IL10RA: variants seen among roughly 807,000 people sequenced by gnomAD.
IL10RA encodes interleukin 10 receptor subunit alpha, also known as interleukin-10 receptor subunit alpha.
A neutral mutation model predicts 29.6 loss-of-function variants in IL10RA; 18 were observed. The observed-to-expected ratio is 0.61, with a 90% confidence interval of 0.42 to 0.90. IL10RA has a LOEUF of 0.90. Ranked by LOEUF, IL10RA falls within the 40% of genes least tolerant of loss-of-function variation. The pLI, the probability that IL10RA is intolerant of heterozygous loss-of-function variation, is 0.00. For missense variants in IL10RA, 634 were observed against 716.6 expected, an observed-to-expected ratio of 0.88 and a Z score of 1.32; for synonymous variants, 292 against 294.1, an observed-to-expected ratio of 0.99 and a Z score of 0.07.
chr11:117,988,600 G>C, intron 2 of IL10RA, 98 bp downstream of exon 2: 1 of 1,416,250 alleles, frequency 7.1e-7, no homozygotes, highest in Non-Finnish European at 9.9e-7. Context: ...TTAATGAAGT[G>C]AGTGCCTGAG....
chr11:117,991,310 T>C (rs143278129), intron 3 of IL10RA, among the ~76,000 whole-genome samples: 1 of 152,374 alleles, frequency 6.6e-6, no homozygotes, highest in East Asian at 1.9e-4. Flanking sequence ...TACAGTGTTA[T>C]GTATACATAA....
Position 117,988,494 on chromosome 11 carries a change from G to A in IL10RA, c.180G>A (p.Ala60=), listed in dbSNP as rs4252249. ...CTGAAAGTACCTGCTATGAAGTGGCGCTCCTGAGGTGAGGAAAAGGGAAGA... is the reference window on the plus strand; with the variant it reads ...CTGAAAGTACCTGCTATGAAGTGGCACTCCTGAGGTGAGGAAAAGGGAAGA... The part of the protein sequence containing the change: ...NQSESTCYEV[A]LLRYGIESWN... The change falls in exon 2 of 7, where the codon GCG becomes GCA. Residue 60 remains alanine (A), a synonymous_variant. Coordinates refer to ENST00000227752, the MANE Select transcript of IL10RA (RefSeq NM_001558.4). The A allele has an allele frequency of 0.11, 179,133 of 1,613,030 alleles. 10,416 individuals are homozygous for A. Among genetic ancestry groups the A allele is most frequent in the Admixed American group, 0.18 (10,867 of 59,992 alleles).
Position 118,001,138 on chromosome 11 carries a change from C to T in IL10RA, c.*1497C>T, listed in dbSNP as rs1451141773. 2 of 454,138 alleles carry T rather than the reference C, an allele frequency of 4.4e-6. No individual in the cohort carries two copies. Among genetic ancestry groups the T allele is most frequent in the Non-Finnish European group, 8.8e-6 (2 of 226,798 alleles). 28.1% of individuals were successfully genotyped at this position (454,138 alleles called of 1,614,324 possible). A position where few individuals can be genotyped will look rare whatever the true frequency, so the allele number is the denominator to read the frequency against. ...CTGGTAACTGAACTCCCTCTGGAGG[C>T]AGGCTTGAGGGAGGATTCCTCAGGG... is the stretch of plus-strand genomic sequence containing the variant. On this transcript the variant is annotated 3_prime_UTR_variant, in exon 7 of 7. Transcript: ENST00000227752.
chr11:117,999,123 C>G lies in IL10RA; in HGVS notation c.1219C>G (p.Gln407Glu). Residue 407 changes from glutamine to glutamate, a missense_variant, in exon 7 of 7, where the codon CAA becomes GAA. Physicochemically the swap from Gln to Glu is conservative, Grantham distance 29. Coordinates refer to ENST00000227752, the MANE Select transcript of IL10RA (RefSeq NM_001558.4). ...GGATGACAGTGGCATTGACTTAGTT[C>G]AAAACTCTGAGGGCCGGGCTGGGGA... The part of the protein sequence containing the change: ...GQDDSGIDLV[Q>E]NSEGRAGDTQ... The G allele has an allele frequency of 6.2e-7, 1 of 1,613,142 alleles. No individual in the cohort carries two copies. Among genetic ancestry groups the G allele is most frequent in the Non-Finnish European group, 8.5e-7 (1 of 1,179,156 alleles).
chr11:117,998,614 C>T, intron 6 of IL10RA, 101 bp from the exon 7 acceptor site: 1 of 935,770 alleles, frequency 1.1e-6, no homozygotes, highest in South Asian at 1.3e-5. Context: ...CTGTAGTCTC[C>T]TCCATCGAGC....
intron 3 of IL10RA, 66 bp from the exon 4 acceptor site, chr11:117,993,175 G>C: frequency 6.9e-7 from 1 of 1,451,096 alleles, no homozygotes; most frequent in South Asian, 1.1e-5. Flanking sequence ...AGTCTCGGCG[G>C]GGACACCCAG....
chr11:117,988,782 A>G (rs2058004622), intron 2 of IL10RA, among the ~76,000 whole-genome samples: 1 of 151,986 alleles, frequency 6.6e-6, no homozygotes, highest in Non-Finnish European at 1.5e-5. Flanking sequence ...TTTCGTTGAG[A>G]CAGCTTCTCG....
Position 118,000,964 on chromosome 11 carries a change from A to G in IL10RA, c.*1323A>G, listed in dbSNP as rs1427557594. ...AACAAAGGCAGTTCAGTCCACAGGC[A>G]TGGAAGCTGTGAGGGGACAGGCCTG... On this transcript the variant is annotated 3_prime_UTR_variant, in exon 7 of 7. Transcript: ENST00000227752. The G allele has an allele frequency of 2.2e-6, 1 of 454,026 alleles. No individual in the cohort carries two copies. The highest frequency in any genetic ancestry group is 4.4e-6 in the Non-Finnish European group (1 of 226,732). The allele number at this position is 454,026 out of a possible 1,614,324, so 28.1% of individuals were successfully genotyped here. A position where few individuals can be genotyped will look rare whatever the true frequency, so the allele number is the denominator to read the frequency against.
rs148166761 is a variant in IL10RA at position 117,994,462 on chromosome 11, T to A, written c.688+313T>A. 9.2e-5 allele frequency among the ~76,000 whole-genome samples: 14 copies of A among 152,296 alleles called. No individual in the cohort carries two copies. The East Asian group carries it at 2.5e-3, about 27-fold the overall frequency. The stretch of plus-strand genomic sequence containing the variant: ...ACATCCCCCTCCCCCGGGGCCATCT[T>A]CAGTGAGCTGTGCTAGTTCCTGTTG... On this transcript the variant is annotated intron_variant, in intron 5 of 6. Transcript: ENST00000227752.
chr11:117,988,348 CT>C lies in IL10RA; in HGVS notation c.68-33del. On this transcript the variant is annotated intron_variant, in intron 1 of 6. Transcript: ENST00000227752. ...TTGGGGTCATCAATGCCTGCCCCCC[CT>C]CCCAGCTGTGGTACTGACACTCTTC... The C allele has an allele frequency of 2.5e-6, 4 of 1,613,718 alleles. No homozygotes were observed. The Middle Eastern group carries it at 6.8e-4, about 276-fold the overall frequency.
chr11:118,000,301 C>T lies in IL10RA; in HGVS notation c.*660C>T, dbSNP rs1025040550. The T allele has an allele frequency of 1.1e-5, 5 of 454,232 alleles. No individual in the cohort carries two copies. Among genetic ancestry groups the T allele is most frequent in the African/African-American group, 1.0e-4 (5 of 50,132 alleles). 28.1% of individuals were successfully genotyped at this position (454,232 alleles called of 1,614,324 possible). On this transcript the variant is annotated 3_prime_UTR_variant, in exon 7 of 7. Coordinates refer to ENST00000227752, the MANE Select transcript of IL10RA (RefSeq NM_001558.4). ...GAGCCGAGACCCTGGATGGGGCTTC[C>T]AGCTCAGAACCCATCCCTCTGGTGG... is the stretch of plus-strand genomic sequence containing the variant.
downstream of IL10RA, chr11:118,002,401 A>G (rs533829209): frequency 3.3e-5 from 5 of 152,330 alleles, no homozygotes; most frequent in African/African-American, 1.2e-4. Flanking sequence ...AACTTGACTA[A>G]TATCACGCCA....
rs529560535 is a variant in IL10RA, at chr11:118,000,451, A to G, written c.*810A>G. The stretch of plus-strand genomic sequence containing the variant: ...TTTGCTGCCCCACCATCTTGCTGAC[A>G]ACTTCCAGAGAAGCCATGGTTTTTT... On this transcript the variant is annotated 3_prime_UTR_variant, in exon 7 of 7. Transcript: ENST00000227752. 2.2e-6 allele frequency: 1 copy of G among 454,238 alleles called. No individual in the cohort carries two copies. Among genetic ancestry groups the G allele is most frequent in the Non-Finnish European group, 4.4e-6 (1 of 226,772 alleles). 28.1% of individuals were successfully genotyped at this position (454,238 alleles called of 1,614,324 possible).
At chr11:117,986,872 C>A in intron 1 of IL10RA, 10 of 1,369,632 alleles carry the variant, frequency 7.3e-6, no homozygotes, top group Non-Finnish European at 9.7e-6. Context: ...TTCTTGTCCC[C>A]TTGGGGAATA....
chr11:117,998,624 C>A, intron 6 of IL10RA, 91 bp from the exon 7 acceptor site: 2 of 1,077,680 alleles, frequency 1.9e-6, no homozygotes, highest in Non-Finnish European at 2.9e-6. Context: ...CTCCATCGAG[C>A]TCTCCTCCTG....
chr11:117,997,604 C>A (rs1037203065), intron 6 of IL10RA, among the ~76,000 whole-genome samples: 5 of 152,192 alleles, frequency 3.3e-5, no homozygotes, highest in South Asian at 2.1e-4. Context: ...AGTCGGCAGA[C>A]CTTAGGAGGG....
At position 118,000,518 on chromosome 11, in the gene IL10RA, GGGCACCAGCTCATGCCAGCCCCA is replaced by G. The variant is rs1219060323; in HGVS notation, c.*879_*901del. 1 of 454,184 alleles carries G rather than the reference GGGCACCAGCTCATGCCAGCCCCA, an allele frequency of 2.2e-6. No homozygotes were observed. Among genetic ancestry groups the G allele is most frequent in the East Asian group, 6.9e-5 (1 of 14,552 alleles). The allele number at this position is 454,184 out of a possible 1,614,324, so 28.1% of individuals were successfully genotyped here. A position where few individuals can be genotyped will look rare whatever the true frequency, so the allele number is the denominator to read the frequency against. On this transcript the variant is annotated 3_prime_UTR_variant, in exon 7 of 7. Transcript: ENST00000227752. ...AGCCCTTTGGGCGGCCTCTGGGCTT[GGGCACCAGCTCATGCCAGCCCCA>G]GAGGGTCAGGGTTGGAGGCCTGTGC...
At chr11:117,986,591 A>T (rs2057988372) in intron 1 of IL10RA, 57 bp downstream of exon 1, 1 of 1,547,518 alleles carries the variant, frequency 6.5e-7, no homozygotes, top group African/African-American at 1.4e-5. Flanking sequence ...CCGCTCCATT[A>T]AAGTTCTCCA....
Position 117,999,344 on chromosome 11 carries a change from C to G in IL10RA, c.1440C>G (p.Cys480Trp). The G allele has an allele frequency of 6.2e-7, 1 of 1,614,214 alleles. No individual in the cohort carries two copies. Residue 480 changes from cysteine (C) to tryptophan (W), a missense_variant, in exon 7 of 7, where the codon TGC becomes TGG. Transcript: ENST00000227752. ...GCCTTGGCCCCAAATTCGGGAGATG[C>G]CTGGTTGATGAGGCAGGCTTGCATC... ...TDGLGPKFGR[C>W]LVDEAGLHPP...
Sources: gnomAD v4.1 joint callset for allele counts (sites outside exome capture counted in the v4.1 genomes callset) on GRCh38, gnomAD v4.1.1 for gene constraint, MANE v1.5 for transcripts, NCBI Gene and HGNC (gene_info 2026-07-23, HGNC 2026-07-21) for gene names.